The following SCFD2 variants were observed in gnomAD, a reference collection of about 807,000 sequenced individuals.
The protein encoded by SCFD2 is sec1 family domain-containing protein 2.
Under a neutral mutation model 58.9 loss-of-function variants are expected in SCFD2, and 54 were observed. The observed-to-expected ratio is 0.92, with a 90% CI of 0.74 to 1.15. The LOEUF is 1.15. Ranked by LOEUF, SCFD2 falls within the 50% of genes most tolerant of loss-of-function variation. SCFD2 has a pLI of 0.00. For synonymous variants in SCFD2, 321 were observed against 335.9 expected (o/e 0.96, Z 0.49); for missense variants, 805 against 836.6 (o/e 0.96, Z 0.47).
At chr4:53,143,076 A>C (rs561175781) in intron 5 of SCFD2, among the ~76,000 whole-genome samples, 1 of 152,368 alleles carries the variant, frequency 6.6e-6, no homozygotes, top group African/African-American at 2.4e-5. Context: ...AATGCACAGA[A>C]GTATTTTAAA....
intron 4 of SCFD2, among the ~76,000 whole-genome samples, chr4:53,272,876 G>A (rs1366675942): frequency 6.6e-6 from 1 of 151,898 alleles, no homozygotes; most frequent in Non-Finnish European, 1.5e-5. Flanking sequence ...AGAACCTTGA[G>A]AGAAAAAAGC....
chr4:53,039,431 A>G (rs546286660), intron 5 of SCFD2, among the ~76,000 whole-genome samples: 2 of 152,178 alleles, frequency 1.3e-5, no homozygotes, highest in African/African-American at 4.8e-5. Flanking sequence ...CATAGAATGT[A>G]GCCTGAACTT....
intron 7 of SCFD2, among the ~76,000 whole-genome samples, chr4:52,906,266 C>T (rs1192025917): frequency 2.6e-5 from 4 of 152,220 alleles, no homozygotes; most frequent in Non-Finnish European, 5.9e-5. Context: ...TCAGACCTTA[C>T]TAACCAGGCT....
rs143011641 is a variant in SCFD2, at chr4:53,037,157, T to C, written c.1561+108176A>G. On this transcript the variant is annotated intron_variant, in intron 5 of 8. Coordinates refer to ENST00000401642, the MANE Select transcript of SCFD2 (RefSeq NM_152540.4). ...TAAATGTCTATCAACTGAGGACTGT[T>C]CAAATAAATTATAGGCCACTTCCCA... Among the ~76,000 whole-genome samples, 25 of 152,254 alleles carry C rather than the reference T, an allele frequency of 1.6e-4. No individual in the cohort carries two copies. In the East Asian group the frequency reaches 3.5e-3, roughly 21 times the overall value.
intron 5 of SCFD2, among the ~76,000 whole-genome samples, chr4:53,042,250 C>T (rs755711054): frequency 6.6e-6 from 1 of 152,122 alleles, no homozygotes; most frequent in Non-Finnish European, 1.5e-5. Flanking sequence ...TGCGTAAAAT[C>T]ATTTCACTGT....
intron 3 of SCFD2, among the ~76,000 whole-genome samples, chr4:53,295,039 T>C (rs1206440132): frequency 2.0e-5 from 3 of 152,242 alleles, no homozygotes; most frequent in African/African-American, 4.8e-5. Flanking sequence ...TTGGTTACTA[T>C]AGCCCTGTAG....
intron 4 of SCFD2, among the ~76,000 whole-genome samples, chr4:53,261,915 A>G (rs1730839880): frequency 6.6e-6 from 1 of 152,142 alleles, no homozygotes; most frequent in Non-Finnish European, 1.5e-5. Flanking sequence ...TGTTAGGTGC[A>G]TATATATTTA....
At chr4:53,230,378 T>C (rs917991321) in intron 4 of SCFD2, among the ~76,000 whole-genome samples, 10 of 152,168 alleles carry the variant, frequency 6.6e-5, no homozygotes, top group Middle Eastern at 3.4e-3. Flanking sequence ...AACCCAAATG[T>C]CCAACAATGA....
At chr4:53,229,780 T>C (rs1729366677) in intron 4 of SCFD2, among the ~76,000 whole-genome samples, 1 of 152,130 alleles carries the variant, frequency 6.6e-6, no homozygotes, top group Non-Finnish European at 1.5e-5. Context: ...TGGGATCTCA[T>C]TAAACTAAAG....
intron 7 of SCFD2, among the ~76,000 whole-genome samples, chr4:52,895,749 C>T (rs928315093): frequency 5.3e-5 from 8 of 152,210 alleles, no homozygotes; most frequent in South Asian, 2.1e-4. Context: ...ATCGTCACAC[C>T]GATTTCCACA....
At chr4:52,929,042 CA>C (rs1463023768) in intron 5 of SCFD2, among the ~76,000 whole-genome samples, 1 of 152,124 alleles carries the variant, frequency 6.6e-6, no homozygotes, top group Non-Finnish European at 1.5e-5. Flanking sequence ...GATAAACTTC[CA>C]AAAAGGCTAC....
intron 5 of SCFD2, among the ~76,000 whole-genome samples, chr4:53,006,225 C>T (rs1445807371): frequency 6.6e-6 from 1 of 152,208 alleles, no homozygotes; most frequent in Admixed American, 6.5e-5. Flanking sequence ...AATCACTGTG[C>T]CTTCTGGACT....
chr4:53,356,429 A>G (rs1170784248), intron 1 of SCFD2, among the ~76,000 whole-genome samples: 1 of 152,090 alleles, frequency 6.6e-6, no homozygotes, highest in Admixed American at 6.5e-5. Context: ...ATTTGTAGAC[A>G]TATATAGAGA....
At chr4:53,110,144 G>T (rs1011768348) in intron 5 of SCFD2, among the ~76,000 whole-genome samples, 1 of 152,114 alleles carries the variant, frequency 6.6e-6, no homozygotes, top group Non-Finnish European at 1.5e-5. Context: ...AATGGGGAAA[G>T]AATTCCCTAC....
At chr4:53,295,557 T>G (rs1731998257) in intron 3 of SCFD2, among the ~76,000 whole-genome samples, 1 of 152,208 alleles carries the variant, frequency 6.6e-6, no homozygotes, top group African/African-American at 2.4e-5. Flanking sequence ...TGGGGTTTTC[T>G]AAATATACAA....
chr4:53,181,492 G>A (rs1727553289), intron 4 of SCFD2, among the ~76,000 whole-genome samples: 1 of 152,134 alleles, frequency 6.6e-6, no homozygotes. Context: ...ATTAGGTATG[G>A]ATGGGATGTA....
intron 3 of SCFD2, among the ~76,000 whole-genome samples, chr4:53,285,685 G>A (rs767779799): frequency 7.2e-5 from 11 of 151,976 alleles, no homozygotes; most frequent in Admixed American, 2.0e-4. Context: ...AAACTCAGAG[G>A]ATGTCACATA....
chr4:53,309,526 C>A (rs549876707), intron 3 of SCFD2, among the ~76,000 whole-genome samples: 2 of 151,670 alleles, frequency 1.3e-5, no homozygotes, highest in Non-Finnish European at 2.9e-5. Context: ...GGGATGTTGG[C>A]GGTGCAGGGA....
intron 4 of SCFD2, among the ~76,000 whole-genome samples, chr4:53,231,084 G>T (rs1469043425): frequency 6.6e-6 from 1 of 151,946 alleles, no homozygotes; most frequent in Non-Finnish European, 1.5e-5. Context: ...TATTATTATA[G>T]GTATATGCAT....
Sources: allele counts gnomAD v4.1 joint callset (sites outside exome capture counted in the v4.1 genomes callset), GRCh38; gene constraint gnomAD v4.1.1; transcripts MANE v1.5; gene names NCBI Gene and HGNC (gene_info 2026-07-23, HGNC 2026-07-21).